Variants in DACH1 observed in about 807,000 individuals in gnomAD.
DACH1 encodes the protein dachshund family transcription factor 1.
In DACH1, 12 loss-of-function variants were observed where a neutral mutation model predicts 54.2. The observed-to-expected ratio is 0.22, with a 90% CI of 0.14 to 0.36. DACH1 has a LOEUF of 0.36. Ranked by LOEUF, DACH1 falls within the 10% of genes least tolerant of loss-of-function variation. DACH1 has a pLI of 1.00. For missense variants in DACH1, 805 were observed against 929.8 expected, an observed-to-expected ratio of 0.87 and a Z score of 1.75; for synonymous variants, 386 against 366.2, an observed-to-expected ratio of 1.05 and a Z score of -0.62.
At chr13:71,618,910 T>A (rs1402490049) in intron 3 of DACH1, among the ~76,000 whole-genome samples, 1 of 151,822 alleles carries the variant, frequency 6.6e-6, no homozygotes, top group Non-Finnish European at 1.5e-5. Context: ...AATAATTTAC[T>A]GCACTTAAGA....
intron 2 of DACH1, among the ~76,000 whole-genome samples, chr13:71,676,826 G>A (rs1005913858): frequency 2.0e-5 from 3 of 151,978 alleles, no homozygotes; most frequent in South Asian, 4.1e-4. Flanking sequence ...TTAAGCATAA[G>A]GTATGTGTGT....
intron 10 of DACH1, among the ~76,000 whole-genome samples, chr13:71,467,952 GA>G (rs1426296126): frequency 6.6e-6 from 1 of 152,042 alleles, no homozygotes; most frequent in Non-Finnish European, 1.5e-5. Flanking sequence ...AGGCAGCCCC[GA>G]AAACAGTTTT....
intron 6 of DACH1, among the ~76,000 whole-genome samples, chr13:71,494,971 TACTTTTA>T (rs1879283630): frequency 6.6e-6 from 1 of 152,102 alleles, no homozygotes; most frequent in Admixed American, 6.6e-5. Flanking sequence ...AATGGGCCTC[TACTTTTA>T]AAATGTTTTC....
intron 6 of DACH1, among the ~76,000 whole-genome samples, chr13:71,519,466 C>G (rs1455490767): frequency 6.6e-6 from 1 of 151,608 alleles, no homozygotes; most frequent in Non-Finnish European, 1.5e-5. Context: ...GTTCTTAGAA[C>G]TTCTCCATTA....
At chr13:71,658,385 A>C (rs1461238888) in intron 2 of DACH1, among the ~76,000 whole-genome samples, 1 of 152,040 alleles carries the variant, frequency 6.6e-6, no homozygotes, top group Non-Finnish European at 1.5e-5. Context: ...CCCCATCTCT[A>C]CTAAAAATAC....
At chr13:71,487,790 T>G (rs1417112024) in intron 7 of DACH1, among the ~76,000 whole-genome samples, 1 of 152,176 alleles carries the variant, frequency 6.6e-6, no homozygotes, top group Non-Finnish European at 1.5e-5. Flanking sequence ...AATTCAGAAA[T>G]GTTAAGGGAT....
intron 7 of DACH1, among the ~76,000 whole-genome samples, chr13:71,486,202 T>C (rs1205762647): frequency 6.6e-6 from 1 of 151,926 alleles, no homozygotes; most frequent in Admixed American, 6.6e-5. Flanking sequence ...AATAACACTT[T>C]ATGAAAACAC....
intron 6 of DACH1, among the ~76,000 whole-genome samples, chr13:71,533,769 AACACAC>A (rs141125520): frequency 1.4e-5 from 2 of 148,096 alleles, no homozygotes; most frequent in African/African-American, 2.5e-5. Flanking sequence ...CACACACACA[AACACAC>A]ACACACACAC....
chr13:71,509,191 C>A (rs1252068385), intron 6 of DACH1, among the ~76,000 whole-genome samples: 2 of 152,094 alleles, frequency 1.3e-5, no homozygotes, highest in Non-Finnish European at 2.9e-5. Context: ...AAACTGAATT[C>A]TCAAACTTTC....
At chr13:71,449,666 A>G (rs1309696986) in intron 10 of DACH1, among the ~76,000 whole-genome samples, 3 of 152,310 alleles carry the variant, frequency 2.0e-5, no homozygotes, top group East Asian at 3.9e-4. Flanking sequence ...TGTTCTGCAC[A>G]TGTATCCCAG....
chr13:71,511,277 T>C (rs1390694330), intron 6 of DACH1, among the ~76,000 whole-genome samples: 1 of 151,892 alleles, frequency 6.6e-6, no homozygotes, highest in Non-Finnish European at 1.5e-5. Context: ...GCACTCTTGT[T>C]CCAAAGAGAT....
chr13:71,726,756 T>C (rs1883485889), intron 1 of DACH1, among the ~76,000 whole-genome samples: 1 of 152,060 alleles, frequency 6.6e-6, no homozygotes, highest in Middle Eastern at 3.2e-3. Flanking sequence ...GAAGACTTTA[T>C]TTTATTCTAA....
intron 5 of DACH1, among the ~76,000 whole-genome samples, chr13:71,558,702 C>T (rs777003431): frequency 2.0e-5 from 3 of 152,012 alleles, no homozygotes; most frequent in African/African-American, 4.8e-5. Flanking sequence ...TAAGGAAATA[C>T]GTTTCCGGCA....
rs112784775 is a variant in DACH1, at chr13:71,489,970, A to C, written c.1571-822T>G. ...GATTCTTTTCACCTCTCACAGTGAA[A>C]TCCTTTTATTCAGTTTTCTTTATTG... is the stretch of plus-strand genomic sequence containing the variant. On this transcript the variant is annotated intron_variant, in intron 6 of 10. Transcript: ENST00000613252. 7.8e-3 allele frequency among the ~76,000 whole-genome samples: 1,185 copies of C among 152,272 alleles called. 17 individuals carry two copies. Among genetic ancestry groups the C allele is most frequent in the African/African-American group, 0.026 (1,079 of 41,570 alleles).
chr13:71,518,505 T>C (rs1881328395), intron 6 of DACH1, among the ~76,000 whole-genome samples: 9 of 151,948 alleles, frequency 5.9e-5, no homozygotes, highest in Admixed American at 5.3e-4. Context: ...ACCTAACTTA[T>C]GATTACTTAA....
intron 3 of DACH1, among the ~76,000 whole-genome samples, chr13:71,622,002 A>C (rs1876281036): frequency 1.3e-5 from 2 of 152,026 alleles, no homozygotes; most frequent in Admixed American, 1.3e-4. Context: ...CTTCCAAATT[A>C]TCTGGGTTCA....
intron 1 of DACH1, among the ~76,000 whole-genome samples, chr13:71,843,543 G>A (rs1206834331): frequency 6.6e-6 from 1 of 152,146 alleles, no homozygotes; most frequent in African/African-American, 2.4e-5. Context: ...GGGATTACAG[G>A]TGTGAGCCAC....
chr13:71,690,298 A>G (rs1375806286), intron 1 of DACH1, among the ~76,000 whole-genome samples: 1 of 152,204 alleles, frequency 6.6e-6, no homozygotes, highest in African/African-American at 2.4e-5. Flanking sequence ...ATGCATCTAC[A>G]TATATGATTT....
chr13:71,687,547 T>C (rs1881242099), intron 1 of DACH1, among the ~76,000 whole-genome samples: 1 of 152,206 alleles, frequency 6.6e-6, no homozygotes, highest in African/African-American at 2.4e-5. Context: ...GAGTTACTTT[T>C]TTTTACATAT....
Sources: gnomAD v4.1 joint callset for allele counts (sites outside exome capture counted in the v4.1 genomes callset) on GRCh38, gnomAD v4.1.1 for gene constraint, MANE v1.5 for transcripts, NCBI Gene and HGNC (gene_info 2026-07-23, HGNC 2026-07-21) for gene names.